Variants in LMX1A observed in about 807,000 individuals in gnomAD.
LMX1A encodes the protein LIM homeobox transcription factor 1 alpha.
Under a neutral mutation model 49.1 loss-of-function variants are expected in LMX1A, and 15 were observed. That is an observed-to-expected ratio of 0.31 (90% CI 0.20 to 0.47). The LOEUF (loss-of-function observed/expected upper bound fraction) is 0.47, where lower values mean the gene tolerates loss of function less well. Ranked by LOEUF, LMX1A falls within the 20% of genes least tolerant of loss-of-function variation. LMX1A has a pLI of 1.00. For synonymous variants in LMX1A, 167 were observed against 185.7 expected (o/e 0.90, Z 0.82); for missense variants, 372 against 475.8 (o/e 0.78, Z 2.03).
intron 3 of LMX1A, among the ~76,000 whole-genome samples, chr1:165,293,842 T>C (rs35695490): frequency 0.046 from 7,004 of 152,286 alleles, 249 homozygotes; most frequent in East Asian, 0.11. Context: ...CCTCCTGATC[T>C]AATCGCCTCC....
At chr1:165,213,547 T>C in intron 5 of LMX1A, 94 bp downstream of exon 5, 1 of 1,185,938 alleles carries the variant, frequency 8.4e-7, no homozygotes, top group Non-Finnish European at 1.2e-6. Context: ...TCCTCACCAC[T>C]GTGACCCCCA....
chr1:165,216,908 G>A (rs916334433), intron 4 of LMX1A, among the ~76,000 whole-genome samples: 1 of 152,070 alleles, frequency 6.6e-6, no homozygotes, highest in East Asian at 1.9e-4. Flanking sequence ...TTTCTCATCA[G>A]GGAAAGTAAC....
intron 4 of LMX1A, among the ~76,000 whole-genome samples, chr1:165,242,251 A>T (rs940564258): frequency 2.0e-5 from 3 of 152,206 alleles, no homozygotes; most frequent in African/African-American, 7.2e-5. Flanking sequence ...AACGGAGGCT[A>T]TGGAACTGCT....
At chr1:165,214,517 G>C (rs566881968) in intron 4 of LMX1A, among the ~76,000 whole-genome samples, 6 of 152,274 alleles carry the variant, frequency 3.9e-5, no homozygotes, top group African/African-American at 1.4e-4. Context: ...TACTTCATTG[G>C]GGTTGCTGTG....
intron 3 of LMX1A, among the ~76,000 whole-genome samples, chr1:165,261,493 A>G (rs909512914): frequency 1.3e-5 from 2 of 152,232 alleles, no homozygotes; most frequent in African/African-American, 4.8e-5. Context: ...CCTCAAAAAA[A>G]TTAAAAATAG....
Position 165,205,965 on chromosome 1 carries a change from G to C in LMX1A, c.887C>G (p.Pro296Arg), listed in dbSNP as rs779244163. 4.3e-6 allele frequency: 7 copies of C among 1,613,352 alleles called. No homozygotes were observed. The Admixed American group carries it at 1.2e-4, about 27-fold the overall frequency. ...IMNPYTALPT[P>R]QQLLAIEQSV... ...CTGCTCGATGGCCAGGAGCTGCTGT[G>C]GGGTGGGCAGAGCCGTGTAGGGGTT... Residue 296 changes from proline (P) to arginine (R), a missense_variant, in exon 8 of 9, where the codon CCA becomes CGA. Coordinates refer to ENST00000342310, the MANE Select transcript of LMX1A (RefSeq NM_177398.4).
intron 4 of LMX1A, among the ~76,000 whole-genome samples, chr1:165,223,833 A>T (rs1260273213): frequency 6.6e-6 from 1 of 151,744 alleles, no homozygotes; most frequent in Admixed American, 6.6e-5. Context: ...AAACTAGTGT[A>T]CTACACCCAT....
intron 3 of LMX1A, among the ~76,000 whole-genome samples, chr1:165,270,878 G>A (rs978436528): frequency 5.3e-5 from 8 of 152,198 alleles, no homozygotes; most frequent in African/African-American, 1.9e-4. Flanking sequence ...TCTCAGGAAT[G>A]ACTTCTCCTT....
At chr1:165,330,379 C>A (rs987232521) in intron 3 of LMX1A, among the ~76,000 whole-genome samples, 1 of 152,192 alleles carries the variant, frequency 6.6e-6, no homozygotes, top group Non-Finnish European at 1.5e-5. Flanking sequence ...GAGGCTGTGG[C>A]AGGATTGGTT....
chr1:165,211,709 A>T (rs1345228389), intron 5 of LMX1A, among the ~76,000 whole-genome samples: 3 of 152,142 alleles, frequency 2.0e-5, no homozygotes, highest in Non-Finnish European at 4.4e-5. Context: ...AGCCAACTAA[A>T]ATAGGAGTGT....
intron 3 of LMX1A, among the ~76,000 whole-genome samples, chr1:165,253,256 T>C (rs2102641344): frequency 6.6e-6 from 1 of 152,188 alleles, no homozygotes; most frequent in South Asian, 2.1e-4. Context: ...AAAAGAACAA[T>C]ACAAAGCAAT....
rs80131191 is a variant in LMX1A, at chr1:165,272,700, G to A, written c.264-23060C>T. On this transcript the variant is annotated intron_variant, in intron 3 of 8. Coordinates refer to ENST00000342310, the MANE Select transcript of LMX1A (RefSeq NM_177398.4). Reference sequence around the variant, plus strand: ...TTGCCTGGCGAGTGCTGAAATAGGAGCCACAGAGAAACCCAGCAGCTCCAG... The same window carrying A: ...TTGCCTGGCGAGTGCTGAAATAGGAACCACAGAGAAACCCAGCAGCTCCAG... Among the ~76,000 whole-genome samples, 80 of 152,292 alleles carry A rather than the reference G, an allele frequency of 5.3e-4. 2 individuals carry two copies. In the East Asian group the frequency reaches 0.015, roughly 29 times the overall value.
At chr1:165,347,266 A>G (rs1656278971) in intron 3 of LMX1A, among the ~76,000 whole-genome samples, 1 of 152,220 alleles carries the variant, frequency 6.6e-6, no homozygotes, top group Non-Finnish European at 1.5e-5. Flanking sequence ...TGCTCTCAAA[A>G]TTAGCAACTT....
intron 3 of LMX1A, among the ~76,000 whole-genome samples, chr1:165,274,746 T>C (rs1478198434): frequency 4.5e-4 from 69 of 152,124 alleles, no homozygotes; most frequent in Admixed American, 4.5e-3. Flanking sequence ...GGATGTAACG[T>C]GCCATGAAGG....
chr1:165,235,677 C>A (rs1305546223), intron 4 of LMX1A, among the ~76,000 whole-genome samples: 1 of 152,030 alleles, frequency 6.6e-6, no homozygotes, highest in Non-Finnish European at 1.5e-5. Context: ...GGCCTCGCCT[C>A]CGCCCGCGCG....
At chr1:165,339,419 T>C (rs1259133208) in intron 3 of LMX1A, among the ~76,000 whole-genome samples, 1 of 152,192 alleles carries the variant, frequency 6.6e-6, no homozygotes. Flanking sequence ...TCTTGGGGAA[T>C]TGGCCATGTG....
intron 2 of LMX1A, among the ~76,000 whole-genome samples, chr1:165,353,652 TAAA>T (rs1384434473): frequency 6.6e-6 from 1 of 152,248 alleles, no homozygotes; most frequent in Non-Finnish European, 1.5e-5. Context: ...CTGACTGTTT[TAAA>T]AACTGAGAAT....
chr1:165,298,425 T>A lies in LMX1A; in HGVS notation c.264-48785A>T, dbSNP rs564423380. On this transcript the variant is annotated intron_variant, in intron 3 of 8. Coordinates refer to ENST00000342310, the MANE Select transcript of LMX1A (RefSeq NM_177398.4). ...GAATTCAGCACAATTGGCCACATAG[T>A]TCTAAATGGCAAGCAGGACATGCTG... 3.3e-5 allele frequency among the ~76,000 whole-genome samples: 5 copies of A among 152,252 alleles called. No homozygotes were observed. The South Asian group carries it at 6.2e-4, about 19-fold the overall frequency.
chr1:165,219,413 A>C (rs1189078314), intron 4 of LMX1A, among the ~76,000 whole-genome samples: 1 of 151,946 alleles, frequency 6.6e-6, no homozygotes, highest in Non-Finnish European at 1.5e-5. Context: ...AGACAGGGGG[A>C]GTAGAGGAAG....
Sources: allele counts gnomAD v4.1 joint callset (sites outside exome capture counted in the v4.1 genomes callset), GRCh38; gene constraint gnomAD v4.1.1; transcripts MANE v1.5; gene names NCBI Gene and HGNC (gene_info 2026-07-23, HGNC 2026-07-21).